SCD: variants seen among roughly 807,000 people sequenced by gnomAD.
SCD encodes stearoyl-CoA desaturase.
A neutral mutation model predicts 35.7 loss-of-function variants in SCD; 4 were observed. The observed-to-expected ratio is 0.11, with a 90% CI of 0.06 to 0.26. The LOEUF is 0.26. Ranked by LOEUF, SCD falls within the 10% of genes least tolerant of loss-of-function variation. The pLI, the probability that SCD is intolerant of heterozygous loss-of-function variation, is 1.00. For missense variants in SCD, 282 were observed against 460.7 expected (o/e 0.61, Z 3.55); for synonymous variants, 150 against 170.2 (o/e 0.88, Z 0.92).
rs1849907634 is a variant in SCD at position 100,354,564 on chromosome 10, C to G, written c.579C>G (p.Val193=). 7 of 1,614,046 alleles carry G rather than the reference C, an allele frequency of 4.3e-6. No individual in the cohort carries two copies. In the South Asian group the frequency reaches 5.5e-5, roughly 13 times the overall value. Reference sequence around the variant, plus strand: ...TGCTTGTGCGCAAACACCCAGCTGTCAAAGAGAAGGGGAGTACGCTAGACT... The same window carrying G: ...TGCTTGTGCGCAAACACCCAGCTGTGAAAGAGAAGGGGAGTACGCTAGACT... The part of the protein sequence containing the change: ...GWLLVRKHPA[V]KEKGSTLDLS... The change falls in exon 4 of 6, where the codon GTC becomes GTG. Residue 193 remains valine (V), a synonymous_variant. Transcript: ENST00000370355.
chr10:100,362,342 A>AGAAGGCTTCTCTCCACAGTGT lies in SCD; in HGVS notation c.*1410_*1430dup, dbSNP rs1394949977. 6.6e-6 allele frequency: 1 copy of AGAAGGCTTCTCTCCACAGTGT among 152,244 alleles called. No individual in the cohort carries two copies. The highest frequency in any genetic ancestry group is 1.5e-5 in the Non-Finnish European group (1 of 68,046). The allele number at this position is 152,244 out of a possible 1,614,324, so 9.4% of individuals were successfully genotyped here. ...TTTCTCCTTGAAATGAGTAAAAACT[A>AGAAGGCTTCTCTCCACAGTGT]GAAGGCTTCTCTCCACAGTGTTGTG... On this transcript the variant is annotated 3_prime_UTR_variant, in exon 6 of 6. Transcript: ENST00000370355.
Position 100,362,961 on chromosome 10 carries a change from C to T in SCD, c.*2028C>T, listed in dbSNP as rs574603448. ...CCCTGCTTACTTGGTGAGGGTGCCC[C>T]GCCTGAGTCAGTGCTCTCAGCTGGC... On this transcript the variant is annotated 3_prime_UTR_variant, in exon 6 of 6. Coordinates refer to ENST00000370355, the MANE Select transcript of SCD (RefSeq NM_005063.5). The T allele has an allele frequency of 2.0e-5, 3 of 152,412 alleles. No individual in the cohort carries two copies. The highest frequency in any genetic ancestry group is 4.1e-4 in the South Asian group (2 of 4,830). The allele number at this position is 152,412 out of a possible 1,614,324, so 9.4% of individuals were successfully genotyped here.
intron 2 of SCD, among the ~76,000 whole-genome samples, chr10:100,350,075 A>G (rs1008211813): frequency 1.3e-5 from 2 of 152,040 alleles, no homozygotes; most frequent in East Asian, 3.9e-4. Context: ...TGCCTGCTAC[A>G]TTTTTTTGGT....
At chr10:100,359,347 C>T (rs1431269278) in intron 5 of SCD, among the ~76,000 whole-genome samples, 3 of 152,206 alleles carry the variant, frequency 2.0e-5, no homozygotes, top group African/African-American at 7.2e-5. Flanking sequence ...GCCAAATTAA[C>T]CTTCTCCCTT....
intron 4 of SCD, among the ~76,000 whole-genome samples, chr10:100,355,957 T>A (rs1406205459): frequency 6.6e-6 from 1 of 152,062 alleles, no homozygotes; most frequent in Non-Finnish European, 1.5e-5. Context: ...AAAAGAGTGC[T>A]GATTAGAAAG....
In SCD at chr10:100,348,061, C is replaced by T. The variant is rs1369358384; in HGVS notation, c.28-3C>T. 3.1e-6 allele frequency: 5 copies of T among 1,612,466 alleles called. No individual in the cohort carries two copies. Among genetic ancestry groups the T allele is most frequent in the Non-Finnish European group, 3.4e-6 (4 of 1,179,182 alleles). ...CTGACTCTCCTCTTCCTCCCCCTTC[C>T]AGATCTCTAGCTCCTATACCACCAC... is the stretch of plus-strand genomic sequence containing the variant. On this transcript the variant is annotated splice_polypyrimidine_tract_variant and splice_region_variant and intron_variant, in intron 1 of 5. Coordinates refer to ENST00000370355, the MANE Select transcript of SCD (RefSeq NM_005063.5).
chr10:100,355,774 T>C (rs1849921322), intron 4 of SCD, among the ~76,000 whole-genome samples: 2 of 152,106 alleles, frequency 1.3e-5, no homozygotes, highest in South Asian at 4.1e-4. Flanking sequence ...TCAGTGCCCT[T>C]GGAATGTCAA....
rs1218073313 is a variant in SCD, at chr10:100,364,723, G to A, written c.*3790G>A. ...TTTATGTGGGATATAGTAGTTACTT[G>A]TGACAAGAATAATTTTGGAATAATT... On this transcript the variant is annotated 3_prime_UTR_variant, in exon 6 of 6. Transcript: ENST00000370355. The A allele has an allele frequency of 6.6e-6, 1 of 152,568 alleles. No individual in the cohort carries two copies. The highest frequency in any genetic ancestry group is 1.5e-5 in the Non-Finnish European group (1 of 68,002). 9.5% of individuals were successfully genotyped at this position (152,568 alleles called of 1,614,324 possible). A position where few individuals can be genotyped will look rare whatever the true frequency, so the allele number is the denominator to read the frequency against.
chr10:100,354,075 C>A (rs1289200317), intron 3 of SCD, among the ~76,000 whole-genome samples: 1 of 152,204 alleles, frequency 6.6e-6, no homozygotes, highest in Admixed American at 6.5e-5. Flanking sequence ...GGATTAGGTA[C>A]CCCATGAGGA....
At chr10:100,349,378 C>G (rs182889359) in intron 2 of SCD, among the ~76,000 whole-genome samples, 13 of 152,276 alleles carry the variant, frequency 8.5e-5, no homozygotes, top group African/African-American at 3.1e-4. Flanking sequence ...ATCCAGGGGC[C>G]CTGCACTGCT....
Position 100,347,413 on chromosome 10 carries a change from G to C in SCD, c.-92G>C, listed in dbSNP as rs11557928. The C allele has an allele frequency of 8.4e-3, 11,572 of 1,385,806 alleles. 555 individuals are homozygous for C. In the African/African-American group the frequency reaches 0.12, roughly 15 times the overall value. The allele number at this position is 1,385,806 out of a possible 1,614,324, so 85.8% of individuals were successfully genotyped here. ...AGGCGCCGCGGCTCAGCGCGTACCG[G>C]CGGGCTTCGAAACCGCAGTCCTCCG... On this transcript the variant is annotated 5_prime_UTR_variant, in exon 1 of 6. Coordinates refer to ENST00000370355, the MANE Select transcript of SCD (RefSeq NM_005063.5).
intron 4 of SCD, among the ~76,000 whole-genome samples, chr10:100,355,049 A>G (rs146291023): frequency 0.021 from 3,198 of 151,762 alleles, 110 homozygotes; most frequent in African/African-American, 0.071. Flanking sequence ...TTCTACCTCA[A>G]CCTCCTGAGT....
chr10:100,351,152 A>G (rs541236140), intron 2 of SCD, among the ~76,000 whole-genome samples: 6 of 152,328 alleles, frequency 3.9e-5, no homozygotes, highest in African/African-American at 1.2e-4. Context: ...AAGAGTTTCT[A>G]TCAAGGCCAC....
At chr10:100,353,323 C>T (rs192675694) in intron 3 of SCD, among the ~76,000 whole-genome samples, 47 of 152,232 alleles carry the variant, frequency 3.1e-4, no homozygotes, top group African/African-American at 8.7e-4. Context: ...CGGTGGCTCA[C>T]GCCTGTAATC....
intron 3 of SCD, among the ~76,000 whole-genome samples, chr10:100,353,697 G>A (rs749931665): frequency 6.6e-6 from 1 of 152,196 alleles, no homozygotes; most frequent in East Asian, 1.9e-4. Context: ...GTGGCGTTTG[G>A]CTTAGCTTGG....
rs930724329 is a variant in SCD at position 100,352,735 on chromosome 10, T to A, written c.441+239T>A. On this transcript the variant is annotated intron_variant, in intron 3 of 5. Coordinates refer to ENST00000370355, the MANE Select transcript of SCD (RefSeq NM_005063.5). The surrounding 1 kb of genome is among the most constrained non-coding windows in gnomAD (Gnocchi z 4.2). ...AATACTCCTGATGTGTAGGAATATT[T>A]TTGATCCTAAGGTCCCTGTGTTGTC... Among the ~76,000 whole-genome samples the A allele has an allele frequency of 6.6e-6, 1 of 152,256 alleles. No homozygotes were observed. The highest frequency in any genetic ancestry group is 1.5e-5 in the Non-Finnish European group (1 of 68,042).
At position 100,354,529 on chromosome 10, in the gene SCD, G is replaced by A. The variant is rs749978140; in HGVS notation, c.544G>A (p.Val182Met). Residue 182 changes from valine (V) to methionine (M), a missense_variant, in exon 4 of 6, where the codon GTG (valine) becomes ATG (methionine). Val to Met is a conservative substitution (Grantham distance 21). This residue lies in a region of SCD where 205 missense variants were observed against 372.3 expected (regional missense o/e 0.55). Transcript: ENST00000370355. ...NSRRGFFFSH[V>M]GWLLVRKHPA... ...CCGACGTGGCTTTTTCTTCTCTCACGTGGGTTGGCTGCTTGTGCGCAAACA... is the reference window on the plus strand; with the variant it reads ...CCGACGTGGCTTTTTCTTCTCTCACATGGGTTGGCTGCTTGTGCGCAAACA... 1.7e-5 allele frequency: 27 copies of A among 1,613,918 alleles called. No homozygotes were observed. Among genetic ancestry groups the A allele is most frequent in the Non-Finnish European group, 2.2e-5 (26 of 1,179,982 alleles).
rs1018017051 is a variant in SCD at position 100,352,447 on chromosome 10, G to A, written c.392G>A (p.Arg131Gln). Residue 131 changes from arginine (R) to glutamine (Q), a missense_variant, in exon 3 of 6, where the codon CGG (arginine) becomes CAG (glutamine). Coordinates refer to ENST00000370355, the MANE Select transcript of SCD (RefSeq NM_005063.5). The surrounding 1 kb of genome is among the most constrained non-coding windows in gnomAD (Gnocchi z 4.2). The part of the protein sequence containing the change: ...RLWSHRSYKA[R>Q]LPLRLFLIIA... ...TGGAGCCACCGCTCTTACAAAGCTC[G>A]GCTGCCCCTACGGCTCTTTCTGATC... is the stretch of plus-strand genomic sequence containing the variant. 4.3e-6 allele frequency: 7 copies of A among 1,614,038 alleles called. No individual in the cohort carries two copies. Among genetic ancestry groups the A allele is most frequent in the South Asian group, 3.3e-5 (3 of 91,074 alleles).
Position 100,347,471 on chromosome 10 carries a change from C to G in SCD, c.-34C>G, listed in dbSNP as rs1477494012. 3 of 1,612,956 alleles carry G rather than the reference C, an allele frequency of 1.9e-6. No homozygotes were observed. The highest frequency in any genetic ancestry group is 1.7e-6 in the Non-Finnish European group (2 of 1,179,672). On this transcript the variant is annotated 5_prime_UTR_variant, in exon 1 of 6. Coordinates refer to ENST00000370355, the MANE Select transcript of SCD (RefSeq NM_005063.5). Reference sequence around the variant, plus strand: ...CGAACTCCGCTCCGGAGCCTCAGCCCCCTGGAAAGTGATCCCGGCATCCGA... The same window carrying G: ...CGAACTCCGCTCCGGAGCCTCAGCCGCCTGGAAAGTGATCCCGGCATCCGA...
Sources: allele counts gnomAD v4.1 joint callset (sites outside exome capture counted in the v4.1 genomes callset), GRCh38; gene constraint gnomAD v4.1.1; regional missense constraint gnomAD v4.1.1; non-coding constraint Gnocchi (gnomAD v3.1); transcripts MANE v1.5; gene names NCBI Gene and HGNC (gene_info 2026-07-23, HGNC 2026-07-21).